Variants in FAM135A observed in about 807,000 individuals in gnomAD.
FAM135A encodes the protein family with sequence similarity 135 member A, also known as protein FAM135A.
A neutral mutation model predicts 146.8 loss-of-function variants in FAM135A; 79 were observed. That is an observed-to-expected ratio of 0.54 (90% CI 0.45 to 0.65). The LOEUF is 0.65. FAM135A is among the 30% of genes least tolerant of loss of function. The probability of loss-of-function intolerance (pLI) is 0.00; values close to 1 mark genes in which losing one functional copy is unlikely to be tolerated. For missense variants in FAM135A, 1,623 were observed against 1,758.2 expected, an observed-to-expected ratio of 0.92 and a Z score of 1.38; for synonymous variants, 562 against 603.6, an observed-to-expected ratio of 0.93 and a Z score of 1.01.
intron 20 of FAM135A, among the ~76,000 whole-genome samples, chr6:70,551,284 C>G (rs868150552): frequency 4.6e-5 from 7 of 152,188 alleles, no homozygotes; most frequent in Non-Finnish European, 8.8e-5. Flanking sequence ...GCCTTCCTCA[C>G]TAAGCTTAAT....
At chr6:70,418,096 G>A (rs1331364321) in intron 2 of FAM135A, among the ~76,000 whole-genome samples, 1 of 152,148 alleles carries the variant, frequency 6.6e-6, no homozygotes, top group African/African-American at 2.4e-5. Context: ...TTTGATGAGT[G>A]AGGAATGGCT....
At chr6:70,420,107 G>A (rs1008521784) in intron 2 of FAM135A, among the ~76,000 whole-genome samples, 1 of 152,166 alleles carries the variant, frequency 6.6e-6, no homozygotes, top group Middle Eastern at 3.2e-3. Flanking sequence ...TGGAGCTGTT[G>A]TCACCATAGT....
intron 12 of FAM135A, among the ~76,000 whole-genome samples, chr6:70,515,311 A>G (rs754307311): frequency 4.6e-5 from 7 of 152,230 alleles, no homozygotes; most frequent in Non-Finnish European, 8.8e-5. Context: ...AAACCTCCAC[A>G]TATAGCAGCT....
intron 16 of FAM135A, among the ~76,000 whole-genome samples, chr6:70,530,970 C>G (rs1795694136): frequency 6.6e-6 from 1 of 151,876 alleles, no homozygotes; most frequent in African/African-American, 2.4e-5. Flanking sequence ...AAATGGATCC[C>G]CTTTACAGAG....
intron 16 of FAM135A, among the ~76,000 whole-genome samples, chr6:70,532,171 C>T (rs988532477): frequency 4.6e-5 from 7 of 151,966 alleles, no homozygotes; most frequent in South Asian, 2.1e-4. Context: ...CCACCGTGCC[C>T]GGCCTCAAAC....
At chr6:70,530,244 C>T (rs533706187) in intron 16 of FAM135A, among the ~76,000 whole-genome samples, 17 of 152,146 alleles carry the variant, frequency 1.1e-4, no homozygotes, top group African/African-American at 4.1e-4. Flanking sequence ...TAAGAAACTT[C>T]ATAAAATTTA....
At chr6:70,549,377 A>G (rs1465773272) in intron 20 of FAM135A, among the ~76,000 whole-genome samples, 1 of 152,178 alleles carries the variant, frequency 6.6e-6, no homozygotes, top group Non-Finnish European at 1.5e-5. Flanking sequence ...GAAAAAAGAC[A>G]TAAAATAGTA....
chr6:70,455,275 C>T (rs11755608), intron 5 of FAM135A, among the ~76,000 whole-genome samples: 18,794 of 151,600 alleles, frequency 0.12, 1,599 homozygotes, highest in Middle Eastern at 0.29. Flanking sequence ...ACATTGATTT[C>T]GTTATCCTGA....
At position 70,537,676 on chromosome 6, in the gene FAM135A, T is replaced by C. The variant is rs553389698; in HGVS notation, c.4118-615T>C. On this transcript the variant is annotated intron_variant, in intron 19 of 21. Transcript: ENST00000418814. ...TCCCTAATATTAGAAGCAATGAAAATGGAAAAGAATATTTCATAGTCTTGA... is the reference window on the plus strand; with the variant it reads ...TCCCTAATATTAGAAGCAATGAAAACGGAAAAGAATATTTCATAGTCTTGA... Among the ~76,000 whole-genome samples the C allele has an allele frequency of 2.6e-5, 4 of 152,318 alleles. No homozygotes were observed. In the South Asian group the frequency reaches 6.2e-4, roughly 24 times the overall value.
intron 5 of FAM135A, among the ~76,000 whole-genome samples, chr6:70,458,234 CAGA>C (rs1778751473): frequency 6.6e-6 from 1 of 152,180 alleles, no homozygotes; most frequent in African/African-American, 2.4e-5. Context: ...AAATTTTGGA[CAGA>C]AGAAGAAAGA....
intron 5 of FAM135A, among the ~76,000 whole-genome samples, chr6:70,455,317 A>G (rs1174996641): frequency 6.6e-6 from 1 of 152,064 alleles, no homozygotes; most frequent in East Asian, 1.9e-4. Flanking sequence ...AATTATACAT[A>G]GTGTAGAGTT....
chr6:70,519,968 C>T (rs1028051287), intron 12 of FAM135A, among the ~76,000 whole-genome samples: 3 of 152,000 alleles, frequency 2.0e-5, no homozygotes, highest in African/African-American at 7.3e-5. Context: ...TTTTAATGCA[C>T]TAGTATTCCA....
rs1303283033 is a variant in FAM135A at position 70,524,571 on chromosome 6, A to T, written c.1487A>T (p.Lys496Met). ...ESNKSKVKVTKLMKTMKSENT... is the reference protein window; with the variant it reads ...ESNKSKVKVTMLMKTMKSENT... ...AATAAATCCAAAGTTAAGGTTACTA[A>T]GCTTATGAAAACAATGAAATCTGAA... is the stretch of plus-strand genomic sequence containing the variant. Residue 496 changes from lysine to methionine, a missense_variant, in exon 15 of 22, where the codon AAG becomes ATG. This residue lies in a region of FAM135A where 1,061 missense variants were observed against 1,113.8 expected (regional missense o/e 0.95). Transcript: ENST00000418814. 5.8e-6 allele frequency: 9 copies of T among 1,544,010 alleles called. No homozygotes were observed. Among genetic ancestry groups the T allele is most frequent in the Non-Finnish European group, 7.0e-6 (8 of 1,145,174 alleles).
intron 21 of FAM135A, chr6:70,557,228 A>G: frequency 2.8e-6 from 1 of 354,040 alleles, no homozygotes; most frequent in Non-Finnish European, 5.1e-6. Context: ...CTTTACTGAT[A>G]GTAAATGATA....
At chr6:70,532,023 C>T (rs1338620207) in intron 16 of FAM135A, among the ~76,000 whole-genome samples, 1 of 150,406 alleles carries the variant, frequency 6.6e-6, no homozygotes, top group African/African-American at 2.4e-5. Context: ...GCTGGGATTA[C>T]AGGCGTCTGC....
At chr6:70,497,381 T>C (rs1004447093) in intron 11 of FAM135A, among the ~76,000 whole-genome samples, 1 of 152,200 alleles carries the variant, frequency 6.6e-6, no homozygotes, top group African/African-American at 2.4e-5. Flanking sequence ...GCTTATCAGC[T>C]TAAGGAGATT....
intron 12 of FAM135A, among the ~76,000 whole-genome samples, chr6:70,515,163 A>G (rs1314530005): frequency 6.6e-6 from 1 of 152,218 alleles, no homozygotes; most frequent in Non-Finnish European, 1.5e-5. Flanking sequence ...CATTCCTGGT[A>G]GGAACACAAA....
chr6:70,514,344 G>A (rs1436477295), intron 12 of FAM135A, among the ~76,000 whole-genome samples: 3 of 151,762 alleles, frequency 2.0e-5, no homozygotes, highest in East Asian at 3.9e-4. Flanking sequence ...TTCTCTTCAC[G>A]TATAATACTT....
chr6:70,483,453 T>A (rs1053971780), intron 10 of FAM135A, among the ~76,000 whole-genome samples: 2 of 152,212 alleles, frequency 1.3e-5, no homozygotes, highest in Non-Finnish European at 2.9e-5. Flanking sequence ...TGAAACAGTC[T>A]CTATTTTCCT....
Sources: allele counts gnomAD v4.1 joint callset (sites outside exome capture counted in the v4.1 genomes callset), GRCh38; gene constraint gnomAD v4.1.1; regional missense constraint gnomAD v4.1.1; transcripts MANE v1.5; gene names NCBI Gene and HGNC (gene_info 2026-07-23, HGNC 2026-07-21).